The following DZIP3 variants were observed in gnomAD, a reference collection of about 807,000 sequenced individuals.
The protein encoded by DZIP3 is DAZ interacting zinc finger protein 3.
DZIP3 carries 118 observed loss-of-function variants against 162.0 expected under a neutral mutation model. The ratio of observed to expected loss-of-function variants is 0.73; its 90% confidence interval spans 0.63 to 0.85. The LOEUF (loss-of-function observed/expected upper bound fraction) is 0.85. Among genes scored for constraint, DZIP3 ranks in the 40% least tolerant of loss-of-function variants. The pLI is 0.00. For missense variants in DZIP3, 1,331 were observed against 1,407.0 expected (o/e 0.95, Z 0.86); for synonymous variants, 438 against 458.6 (o/e 0.96, Z 0.57).
At chr3:108,594,992 T>C (rs1939636046) in intron 1 of DZIP3, among the ~76,000 whole-genome samples, 1 of 152,262 alleles carries the variant, frequency 6.6e-6, no homozygotes, top group African/African-American at 2.4e-5. Context: ...AATACATTTT[T>C]AAATGCTAAT....
intron 21 of DZIP3, among the ~76,000 whole-genome samples, chr3:108,666,432 T>G (rs929456480): frequency 2.6e-5 from 4 of 151,776 alleles, no homozygotes; most frequent in Non-Finnish European, 5.9e-5. Context: ...AATGGAAAAG[T>G]TTACCATTAT....
chr3:108,613,433 A>G (rs1940830758), intron 4 of DZIP3, among the ~76,000 whole-genome samples: 1 of 152,204 alleles, frequency 6.6e-6, no homozygotes, highest in Non-Finnish European at 1.5e-5. Context: ...CTTGTTCTTT[A>G]TACCTCAGAC....
chr3:108,656,037 C>A (rs944643546), intron 19 of DZIP3, among the ~76,000 whole-genome samples: 1 of 152,226 alleles, frequency 6.6e-6, no homozygotes, highest in South Asian at 2.1e-4. Flanking sequence ...TCAAGGAGGC[C>A]TCTCTGCCTC....
At chr3:108,680,395 G>A (rs926102959) in intron 26 of DZIP3, among the ~76,000 whole-genome samples, 6 of 151,830 alleles carry the variant, frequency 4.0e-5, no homozygotes, top group African/African-American at 7.3e-5. Context: ...ATAGAAAATC[G>A]CAAAGACTCC....
At chr3:108,603,520 A>G (rs1940150667) in intron 1 of DZIP3, among the ~76,000 whole-genome samples, 2 of 152,250 alleles carry the variant, frequency 1.3e-5, no homozygotes, top group East Asian at 1.9e-4. Flanking sequence ...GAGTAAAACT[A>G]TAGAATAACA....
chr3:108,627,349 C>T (rs1941633638), intron 7 of DZIP3, among the ~76,000 whole-genome samples: 1 of 152,150 alleles, frequency 6.6e-6, no homozygotes, highest in Non-Finnish European at 1.5e-5. Flanking sequence ...AGAGGACAAC[C>T]ACCACTGAGC....
chr3:108,648,949 C>A lies in DZIP3; in HGVS notation c.1994C>A (p.Thr665Asn). The part of the protein sequence containing the change: ...VKSKQRKKKK[T>N]KNKKNKDSKE... ...AGTAAACAAAGGAAAAAGAAGAAGACTAAGAATAAAAAGGTAAGAGACTAT... is the reference window on the plus strand; with the variant it reads ...AGTAAACAAAGGAAAAAGAAGAAGAATAAGAATAAAAAGGTAAGAGACTAT... The change falls in exon 17 of 33, where the codon ACT becomes AAT. Residue 665 changes from threonine to asparagine, a missense_variant. Around this residue, in one of 2 missense-constraint regions of DZIP3, gnomAD observed 1,278 missense variants for 1,317.1 expected, o/e 0.97. Coordinates refer to ENST00000361582, the MANE Select transcript of DZIP3 (RefSeq NM_014648.4). The A allele has an allele frequency of 8.6e-7, 1 of 1,161,028 alleles. No homozygotes were observed. The highest frequency in any genetic ancestry group is 1.1e-6 in the Non-Finnish European group (1 of 874,918). The allele number at this position is 1,161,028 out of a possible 1,614,324, so 71.9% of individuals were successfully genotyped here.
chr3:108,616,591 G>T lies in DZIP3; in HGVS notation c.309G>T (p.Leu103Phe). ...ATGGTGAGGAAATTGTTCCTGCTTT[G>T]ACTTTACGTTTCTTGATTACACAGC... ...SQNGEEIVPA[L>F]TLRFLITQLE... The change falls in exon 5 of 33, where the codon TTG becomes TTT. Residue 103 changes from leucine to phenylalanine, a missense_variant. By Grantham distance (22) the Leu-to-Phe change is conservative (BLOSUM62 0). This residue lies in a region of DZIP3 where 1,278 missense variants were observed against 1,317.1 expected (regional missense o/e 0.97). Transcript: ENST00000361582. 1 of 1,610,210 alleles carries T rather than the reference G, an allele frequency of 6.2e-7. No individual in the cohort carries two copies. The highest frequency in any genetic ancestry group is 8.5e-7 in the Non-Finnish European group (1 of 1,178,322).
chr3:108,634,007 T>A (rs1048913539), intron 9 of DZIP3, among the ~76,000 whole-genome samples: 8 of 151,896 alleles, frequency 5.3e-5, no homozygotes, highest in Admixed American at 4.6e-4. Flanking sequence ...TCTATCAGAA[T>A]AAGACTTTGT....
At chr3:108,672,315 A>T (rs1943952464) in intron 22 of DZIP3, among the ~76,000 whole-genome samples, 1 of 151,924 alleles carries the variant, frequency 6.6e-6, no homozygotes, top group Admixed American at 6.6e-5. Flanking sequence ...TCATCCTCAG[A>T]CAACTTGATT....
chr3:108,654,373 T>A (rs1382172541), intron 19 of DZIP3, 63 bp downstream of exon 19: 2 of 1,565,994 alleles, frequency 1.3e-6, no homozygotes, highest in African/African-American at 2.7e-5. Context: ...CCTGTGACTC[T>A]TTAAACAGCA....
intron 1 of DZIP3, among the ~76,000 whole-genome samples, chr3:108,604,651 T>A (rs1178975492): frequency 6.6e-6 from 1 of 152,232 alleles, no homozygotes; most frequent in Non-Finnish European, 1.5e-5. Flanking sequence ...GTTCTTTACA[T>A]CCTGTGTCTT....
At chr3:108,627,866 A>C (rs1228998615) in intron 7 of DZIP3, among the ~76,000 whole-genome samples, 1 of 151,500 alleles carries the variant, frequency 6.6e-6, no homozygotes, top group Non-Finnish European at 1.5e-5. Flanking sequence ...TATTGTCTGA[A>C]GGCAATGAGG....
intron 18 of DZIP3, among the ~76,000 whole-genome samples, chr3:108,652,389 C>T (rs1454136062): frequency 6.6e-6 from 1 of 151,808 alleles, no homozygotes; most frequent in African/African-American, 2.4e-5. Context: ...CTTCAGTTTA[C>T]ATCTTAGAAA....
intron 1 of DZIP3, among the ~76,000 whole-genome samples, chr3:108,603,445 T>TCTG (rs1448241538): frequency 6.6e-6 from 1 of 152,198 alleles, no homozygotes. Flanking sequence ...AGTTTGTATC[T>TCTG]TTCATCAGTA....
chr3:108,598,109 ATG>A (rs1213871765), intron 1 of DZIP3, among the ~76,000 whole-genome samples: 1 of 152,220 alleles, frequency 6.6e-6, no homozygotes, highest in Admixed American at 6.5e-5. Context: ...ATTACTAAGA[ATG>A]TGTAAATAGT....
chr3:108,631,055 A>ACACACACACTCTCT lies in DZIP3; in HGVS notation c.696+1880_696+1881insACACACACTCTCTC. Among the ~76,000 whole-genome samples, 75 of 17,996 alleles carry ACACACACACTCTCT rather than the reference A, an allele frequency of 4.2e-3. 3 individuals carry two copies. The highest frequency in any genetic ancestry group is 5.1e-3 in the Non-Finnish European group (57 of 11,144). 11.8% of individuals were successfully genotyped at this position (17,996 alleles called of 152,430 possible). A position where few individuals can be genotyped will look rare whatever the true frequency, so the allele number is the denominator to read the frequency against. Reference sequence around the variant, plus strand: ...CACACACACACACACACACACACACACTCTCTCTCTCTCTCTCTCTCTCTC... The same window carrying ACACACACACTCTCT: ...CACACACACACACACACACACACACACACACACACTCTCTCTCTCTCTCTCTCTCTCTCTCTCTC... On this transcript the variant is annotated intron_variant, in intron 8 of 32. Coordinates refer to ENST00000361582, the MANE Select transcript of DZIP3 (RefSeq NM_014648.4).
intron 7 of DZIP3, 51 bp downstream of exon 7, chr3:108,626,020 T>C (rs745747390): frequency 6.3e-7 from 1 of 1,589,652 alleles, no homozygotes; most frequent in Non-Finnish European, 8.6e-7. Flanking sequence ...CTCAGCATTG[T>C]GAAATGGAAG....
chr3:108,660,737 C>T (rs1427040833), intron 19 of DZIP3, among the ~76,000 whole-genome samples: 1 of 152,068 alleles, frequency 6.6e-6, no homozygotes, highest in East Asian at 1.9e-4. Flanking sequence ...GCAACCTACT[C>T]ATCTGACAAA....
Sources: allele counts gnomAD v4.1 joint callset (sites outside exome capture counted in the v4.1 genomes callset), GRCh38; gene constraint gnomAD v4.1.1; regional missense constraint gnomAD v4.1.1; transcripts MANE v1.5; gene names NCBI Gene and HGNC (gene_info 2026-07-23, HGNC 2026-07-21).